NBEA: variants seen among roughly 807,000 people sequenced by gnomAD.
NBEA encodes neurobeachin, also known as lysosomal-trafficking regulator 2.
A neutral mutation model predicts 343.4 loss-of-function variants in NBEA; 44 were observed. The observed-to-expected ratio is 0.13, with a 90% CI of 0.10 to 0.16. The LOEUF is 0.16. Among genes scored for constraint, NBEA ranks in the 10% least tolerant of loss-of-function variants. The pLI, the probability that NBEA is intolerant of heterozygous loss-of-function variation, is 1.00. For synonymous variants in NBEA, 1,175 were observed against 1,238.7 expected, an observed-to-expected ratio of 0.95 and a Z score of 1.08; for missense variants, 2,555 against 3,631.3, an observed-to-expected ratio of 0.70 and a Z score of 7.62.
intron 41 of NBEA, among the ~76,000 whole-genome samples, chr13:35,530,470 T>C (rs567908607): frequency 6.6e-6 from 1 of 152,202 alleles, no homozygotes; most frequent in Non-Finnish European, 1.5e-5. Context: ...AGTCTGTGCT[T>C]TGTAAAAGCC....
At chr13:35,053,458 A>G (rs1181872233) in intron 6 of NBEA, among the ~76,000 whole-genome samples, 1 of 151,994 alleles carries the variant, frequency 6.6e-6, no homozygotes, top group Non-Finnish European at 1.5e-5. Flanking sequence ...TATTTCTATG[A>G]TAGTCTTTCT....
chr13:35,260,011 G>T (rs1471763574), intron 34 of NBEA, among the ~76,000 whole-genome samples: 1 of 152,180 alleles, frequency 6.6e-6, no homozygotes, highest in Non-Finnish European at 1.5e-5. Context: ...CCTTCACATA[G>T]AAATTATAAT....
intron 1 of NBEA, among the ~76,000 whole-genome samples, chr13:35,026,372 GCTTT>G (rs2062020888): frequency 6.6e-6 from 1 of 152,046 alleles, no homozygotes; most frequent in Admixed American, 6.6e-5. Context: ...GTATTTCTCT[GCTTT>G]CTGTTTGCTG....
At chr13:35,208,943 C>A in intron 32 of NBEA, 89 bp downstream of exon 32, 2 of 961,810 alleles carry the variant, frequency 2.1e-6, no homozygotes, top group Non-Finnish European at 2.9e-6. Flanking sequence ...ATTAAAATAC[C>A]CTAATCATTT....
At chr13:35,300,954 A>T (rs951900424) in intron 35 of NBEA, among the ~76,000 whole-genome samples, 1 of 149,842 alleles carries the variant, frequency 6.7e-6, no homozygotes, top group African/African-American at 2.5e-5. Flanking sequence ...TAAATATGGT[A>T]AAAAAAAAAT....
At chr13:35,537,599 G>A (rs1004880928) in intron 41 of NBEA, among the ~76,000 whole-genome samples, 6 of 152,254 alleles carry the variant, frequency 3.9e-5, no homozygotes, top group East Asian at 3.9e-4. Context: ...CTATGAGAGC[G>A]TAAGATAGGG....
chr13:35,634,655 A>C (rs2083619168), intron 49 of NBEA, among the ~76,000 whole-genome samples: 1 of 152,186 alleles, frequency 6.6e-6, no homozygotes, highest in Non-Finnish European at 1.5e-5. Flanking sequence ...CTATTAGAAC[A>C]TGTGAGCCAT....
At chr13:35,254,324 C>CTT (rs377465927) in intron 34 of NBEA, among the ~76,000 whole-genome samples, 7 of 132,806 alleles carry the variant, frequency 5.3e-5, no homozygotes, top group East Asian at 2.2e-4. Flanking sequence ...TTATTTTTTA[C>CTT]TTTTTTTTTT....
chr13:35,200,875 G>A (rs2072973335), intron 31 of NBEA, among the ~76,000 whole-genome samples: 1 of 151,834 alleles, frequency 6.6e-6, no homozygotes. Context: ...TGGTAAGGAT[G>A]AAATTTCAGG....
chr13:35,338,611 T>C (rs1385411506), intron 36 of NBEA, among the ~76,000 whole-genome samples: 1 of 152,066 alleles, frequency 6.6e-6, no homozygotes, highest in African/African-American at 2.4e-5. Flanking sequence ...ACTCATTTTA[T>C]GAGGCGAGTA....
At chr13:35,251,615 C>G in intron 34 of NBEA, 1 of 1,155,324 alleles carries the variant, frequency 8.7e-7, no homozygotes, top group Non-Finnish European at 1.1e-6. Flanking sequence ...CAGCGGGAAG[C>G]AGAGATGGCC....
chr13:35,624,760 ATAAAT>A lies in NBEA; in HGVS notation c.7450-3317_7450-3313del, dbSNP rs1376145113. ...GAGAGCAAAAGAATATAAAGATAAA[ATAAAT>A]TAAGATAATAATAGAAATGAAAAAT... On this transcript the variant is annotated intron_variant, in intron 48 of 58. Transcript: ENST00000379939. Among the ~76,000 whole-genome samples the A allele has an allele frequency of 8.5e-5, 13 of 152,078 alleles. No individual in the cohort carries two copies. In the Middle Eastern group the frequency reaches 0.01, roughly 119 times the overall value.
chr13:35,138,453 A>G (rs2152691876), intron 17 of NBEA, among the ~76,000 whole-genome samples: 1 of 150,828 alleles, frequency 6.6e-6, no homozygotes, highest in Admixed American at 6.6e-5. Context: ...TAAAACAATT[A>G]TGCTACTTTT....
intron 38 of NBEA, 51 bp from the exon 39 acceptor site, chr13:35,432,218 C>A: frequency 7.0e-7 from 1 of 1,429,828 alleles, no homozygotes; most frequent in Admixed American, 2.4e-5. Context: ...AATGTATTTC[C>A]AGCTATGCAT....
chr13:35,323,311 A>T (rs1024394559), intron 36 of NBEA, among the ~76,000 whole-genome samples: 5 of 152,024 alleles, frequency 3.3e-5, no homozygotes, highest in Non-Finnish European at 7.4e-5. Context: ...CTTGGAACCA[A>T]CCCAAATGTC....
intron 45 of NBEA, among the ~76,000 whole-genome samples, chr13:35,577,380 A>G (rs2080793179): frequency 6.6e-6 from 1 of 152,226 alleles, no homozygotes; most frequent in South Asian, 2.1e-4. Context: ...CTAAACAGAA[A>G]AAAAGAATAT....
chr13:35,185,637 C>G (rs954623726), intron 30 of NBEA: 5 of 151,940 alleles, frequency 3.3e-5, no homozygotes, highest in African/African-American at 7.3e-5. Flanking sequence ...GATTAAGGAG[C>G]CTATATCAGA....
chr13:35,432,240 G>A (rs776802037), intron 38 of NBEA, 29 bp from the exon 39 acceptor site: 4 of 1,557,244 alleles, frequency 2.6e-6, no homozygotes, highest in African/African-American at 1.4e-5. Context: ...GTTATTAATA[G>A]GGATTACTTT....
intron 6 of NBEA, among the ~76,000 whole-genome samples, chr13:35,053,553 A>G (rs996714610): frequency 1.2e-4 from 18 of 151,966 alleles, no homozygotes; most frequent in African/African-American, 4.1e-4. Flanking sequence ...CTCTATTCTC[A>G]TAACTGTTTC....
Sources: gnomAD v4.1 joint callset for allele counts (sites outside exome capture counted in the v4.1 genomes callset) on GRCh38, gnomAD v4.1.1 for gene constraint, MANE v1.5 for transcripts, NCBI Gene and HGNC (gene_info 2026-07-23, HGNC 2026-07-21) for gene names.